The following SATB1 variants were observed in gnomAD, a reference collection of about 807,000 sequenced individuals.
SATB1 encodes the protein DNA-binding protein SATB1.
A neutral mutation model predicts 86.9 loss-of-function variants in SATB1; 11 were observed. The observed-to-expected ratio is 0.13, with a 90% CI of 0.08 to 0.21. SATB1 has a LOEUF of 0.21. SATB1 is among the 10% of genes least tolerant of loss of function. SATB1 has a pLI of 1.00. For synonymous variants in SATB1, 357 were observed against 357.2 expected (o/e 1.00, Z 0.01); for missense variants, 551 against 937.6 (o/e 0.59, Z 5.39).
Position 18,425,208 on chromosome 3 carries a change from A to G in SATB1, c.-1606T>C. 1 of 161,994 alleles carries G rather than the reference A, an allele frequency of 6.2e-6. No individual in the cohort carries two copies. The highest frequency in any genetic ancestry group is 1.3e-5 in the Non-Finnish European group (1 of 75,404). The allele number at this position is 161,994 out of a possible 1,614,324, so 10.0% of individuals were successfully genotyped here. ...TCTTCTTCCTCCTCCTCATTTTAATACAAAATCACCCCGCTCGCAGCCCCA... is the reference window on the plus strand; with the variant it reads ...TCTTCTTCCTCCTCCTCATTTTAATGCAAAATCACCCCGCTCGCAGCCCCA... On this transcript the variant is annotated 5_prime_UTR_variant, in exon 1 of 11. Transcript: ENST00000338745.
intron 1 of SATB1, 56 bp from the exon 2 acceptor site, chr3:18,421,047 T>C (rs1698374426): frequency 2.6e-6 from 3 of 1,142,070 alleles, no homozygotes; most frequent in East Asian, 4.7e-5. Flanking sequence ...TACGTGTATA[T>C]ATGTGTCCTA....
At position 18,394,289 on chromosome 3, in the gene SATB1, C is replaced by A. The variant is rs982665107; in HGVS notation, c.1206+173G>T. On this transcript the variant is annotated intron_variant, in intron 7 of 10. Coordinates refer to ENST00000338745, the MANE Select transcript of SATB1 (RefSeq NM_002971.6). The surrounding 1 kb of genome is among the most constrained non-coding windows in gnomAD (Gnocchi z 5.9). ...AGGTTCCCTTGATTCAGAAGTATAT[C>A]ATAGGAAAAGGAGTGGTAAAATTGA... 2.6e-5 allele frequency among the ~76,000 whole-genome samples: 4 copies of A among 152,028 alleles called. No individual in the cohort carries two copies. Among genetic ancestry groups the A allele is most frequent in the African/African-American group, 9.7e-5 (4 of 41,366 alleles).
upstream of SATB1, among the ~76,000 whole-genome samples, chr3:18,425,887 C>A (rs535332856): frequency 2.0e-4 from 29 of 141,640 alleles, no homozygotes; most frequent in African/African-American, 7.8e-4. Flanking sequence ...GAGGAGGGGG[C>A]GAGGGCCAGG....
chr3:18,363,660 G>A (rs1559400405), intron 9 of SATB1, among the ~76,000 whole-genome samples: 1 of 152,134 alleles, frequency 6.6e-6, no homozygotes, highest in Non-Finnish European at 1.5e-5. Flanking sequence ...GCTGGCATTT[G>A]TGAGGGTAAT....
rs1694448552 is a variant in SATB1, at chr3:18,352,977, T to G, written c.1576-782A>C. On this transcript the variant is annotated intron_variant, in intron 9 of 10. Transcript: ENST00000338745. This position sits in a 1 kb window ranked among gnomAD's most constrained non-coding sequence, Gnocchi z 4.1. The stretch of plus-strand genomic sequence containing the variant: ...AGGTTATCTATCAAGAACTGAATGA[T>G]CATGAAGAATATATTTTCCAGTCAT... 6.6e-6 allele frequency: 1 copy of G among 152,188 alleles called. No individual in the cohort carries two copies. Among genetic ancestry groups the G allele is most frequent in the Admixed American group, 6.5e-5 (1 of 15,282 alleles). The allele number at this position is 152,188 out of a possible 1,614,324, so 9.4% of individuals were successfully genotyped here.
chr3:18,433,863 A>C (rs1258585786), intron 2 of SATB1, among the ~76,000 whole-genome samples: 1 of 152,110 alleles, frequency 6.6e-6, no homozygotes, highest in Non-Finnish European at 1.5e-5. Context: ...TTGAGCCAAC[A>C]TGAAGGAAAA....
At chr3:18,375,466 C>T (rs2125180753) in intron 9 of SATB1, among the ~76,000 whole-genome samples, 1 of 152,236 alleles carries the variant, frequency 6.6e-6, no homozygotes, top group Non-Finnish European at 1.5e-5. Context: ...GACTCTGGTT[C>T]TTCCTGCTTC....
intron 9 of SATB1, among the ~76,000 whole-genome samples, chr3:18,354,655 C>T (rs1214833792): frequency 6.6e-6 from 1 of 151,992 alleles, no homozygotes; most frequent in Non-Finnish European, 1.5e-5. Flanking sequence ...AGTGATTTTT[C>T]ACATCCTTTA....
At chr3:18,366,578 C>T (rs1014286602) in intron 9 of SATB1, among the ~76,000 whole-genome samples, 31 of 152,126 alleles carry the variant, frequency 2.0e-4, no homozygotes, top group Non-Finnish European at 3.5e-4. Context: ...TCATATCATG[C>T]TAGCAATCAC....
intron 3 of SATB1, 40 bp downstream of exon 3, chr3:18,416,862 T>C: frequency 6.5e-7 from 1 of 1,539,770 alleles, no homozygotes; most frequent in East Asian, 2.3e-5. Flanking sequence ...AAACAAAGAA[T>C]GCTAAGCAAT....
rs543199924 is a variant in SATB1, at chr3:18,403,672, C to T, written c.640-6382G>A. ...TGTATTTAAAAAAAACCTTTAACTT[C>T]TCAGTCTATGCATGGTGATGTATAA... On this transcript the variant is annotated intron_variant, in intron 5 of 10. Coordinates refer to ENST00000338745, the MANE Select transcript of SATB1 (RefSeq NM_002971.6). 2.2e-4 allele frequency among the ~76,000 whole-genome samples: 34 copies of T among 152,164 alleles called. 1 individual carries two copies. The highest frequency in any genetic ancestry group is 7.7e-4 in the African/African-American group (32 of 41,552).
chr3:18,420,789 G>C lies in SATB1; in HGVS notation c.179C>G (p.Ser60Trp), dbSNP rs774428895. Residue 60 changes from serine (S) to tryptophan (W), a missense_variant, in exon 2 of 11, where the codon TCG (serine) becomes TGG (tryptophan). Physicochemically the swap from Ser to Trp is radical, Grantham distance 177. Transcript: ENST00000338745. ...AAGGTTGGTTTTCATCAGATGGCCC[G>C]AGTGTTTTAAAGGCACTCCCTGCAT... ...AKMQGVPLKH[S>W]GHLMKTNLRK... 3 of 1,614,028 alleles carry C rather than the reference G, an allele frequency of 1.9e-6. No individual in the cohort carries two copies. Among genetic ancestry groups the C allele is most frequent in the South Asian group, 1.1e-5 (1 of 91,072 alleles).
chr3:18,430,165 C>T (rs1698842771), upstream of SATB1, among the ~76,000 whole-genome samples: 2 of 151,974 alleles, frequency 1.3e-5, no homozygotes, highest in South Asian at 4.2e-4. Context: ...AACACTTCCT[C>T]ACTGCAGAAA....
rs1698550095 is a variant in SATB1, at chr3:18,424,329, C to CG, written c.-728_-727insC. 6.6e-6 allele frequency: 1 copy of CG among 151,728 alleles called. No individual in the cohort carries two copies. The highest frequency in any genetic ancestry group is 2.4e-5 in the African/African-American group (1 of 41,228). 9.4% of individuals were successfully genotyped at this position (151,728 alleles called of 1,614,324 possible). On this transcript the variant is annotated 5_prime_UTR_variant, in exon 1 of 11. Coordinates refer to ENST00000338745, the MANE Select transcript of SATB1 (RefSeq NM_002971.6). ...CTCCCTTCCAATCACCCCCACCCCC[C>CG]TCGCCAACAATCGCGACTAATATTA...
At chr3:18,402,005 A>G (rs1309555570) in intron 5 of SATB1, among the ~76,000 whole-genome samples, 2 of 152,178 alleles carry the variant, frequency 1.3e-5, no homozygotes, top group East Asian at 3.9e-4. Flanking sequence ...CCTAACTTAA[A>G]GATAGATAGA....
chr3:18,416,187 T>C (rs1333602079), intron 3 of SATB1, 54 bp from the exon 4 acceptor site: 3 of 1,454,056 alleles, frequency 2.1e-6, no homozygotes, highest in South Asian at 1.3e-5. Context: ...AGATAATATA[T>C]CTACTAGAAG....
intron 2 of SATB1, among the ~76,000 whole-genome samples, chr3:18,419,440 G>A (rs1318753741): frequency 1.3e-5 from 2 of 152,148 alleles, no homozygotes; most frequent in South Asian, 4.1e-4. Flanking sequence ...TAAACAGCAC[G>A]TCTGCCATAA....
intron 5 of SATB1, among the ~76,000 whole-genome samples, chr3:18,410,089 A>C (rs1697756587): frequency 6.6e-6 from 1 of 152,102 alleles, no homozygotes; most frequent in African/African-American, 2.4e-5. Context: ...TTATCCCAAA[A>C]GTCAGTTCCT....
At chr3:18,373,093 C>T (rs1225751327) in intron 9 of SATB1, among the ~76,000 whole-genome samples, 1 of 152,160 alleles carries the variant, frequency 6.6e-6, no homozygotes, top group African/African-American at 2.4e-5. Flanking sequence ...AAGCTGTATC[C>T]CCCTCAGGGT....
Sources: allele counts gnomAD v4.1 joint callset (sites outside exome capture counted in the v4.1 genomes callset), GRCh38; gene constraint gnomAD v4.1.1; non-coding constraint Gnocchi (gnomAD v3.1); transcripts MANE v1.5; gene names NCBI Gene and HGNC (gene_info 2026-07-23, HGNC 2026-07-21).